Variants in ZNF695 observed in about 807,000 individuals in gnomAD.
ZNF695 encodes the protein zinc finger protein SBZF3.
A neutral mutation model predicts 11.2 loss-of-function variants in ZNF695; 11 were observed. The ratio of observed to expected loss-of-function variants is 0.98; its 90% confidence interval spans 0.62 to 1.62. The LOEUF (loss-of-function observed/expected upper bound fraction) is 1.62, where lower values mean the gene tolerates loss of function less well. Ranked by LOEUF, ZNF695 falls within the 40% of genes most tolerant of loss-of-function variation. The pLI, the probability that ZNF695 is intolerant of heterozygous loss-of-function variation, is 0.00. For synonymous variants in ZNF695, 190 were observed against 201.4 expected (o/e 0.94, Z 0.48); for missense variants, 559 against 590.5 (o/e 0.95, Z 0.55).
chr1:246,993,617 G>T (rs1485695293), intron 3 of ZNF695, among the ~76,000 whole-genome samples: 1 of 151,868 alleles, frequency 6.6e-6, no homozygotes, highest in Non-Finnish European at 1.5e-5. Flanking sequence ...AAAGTATCAG[G>T]GTACTTAACG....
intron 5 of ZNF695, among the ~76,000 whole-genome samples, chr1:246,959,351 A>ATATATATATATATAT (rs1668105179): frequency 7.9e-6 from 1 of 126,778 alleles, no homozygotes; most frequent in Non-Finnish European, 1.6e-5. Flanking sequence ...ATATATATAT[A>ATATATATATATATAT]AAATCTCTTT....
intron 1 of ZNF695, among the ~76,000 whole-genome samples, chr1:247,006,152 G>C (rs1669527416): frequency 6.6e-6 from 1 of 151,492 alleles, no homozygotes; most frequent in South Asian, 2.1e-4. Flanking sequence ...TTGAACCCGG[G>C]AGGCAGAGGT....
At chr1:246,963,619 G>A (rs56169836) in intron 5 of ZNF695, among the ~76,000 whole-genome samples, 5,166 of 152,174 alleles carry the variant, frequency 0.034, 308 homozygotes, top group African/African-American at 0.12. Flanking sequence ...GAGCAGGTGC[G>A]GGGGTTATTG....
At position 246,986,064 on chromosome 1, in the gene ZNF695, TA is replaced by T. The variant is rs1668837243; in HGVS notation, c.*902del. On this transcript the variant is annotated 3_prime_UTR_variant, in exon 4 of 4. Coordinates refer to ENST00000339986, the MANE Select transcript of ZNF695 (RefSeq NM_020394.5). Reference sequence around the variant, plus strand: ...TTTCAGTGCACCGAGTATACTTTATTATTATGTTGTTATTATTATTATTGAG... The same window carrying T: ...TTTCAGTGCACCGAGTATACTTTATTTTATGTTGTTATTATTATTATTGAG... 2.0e-6 allele frequency: 2 copies of T among 977,080 alleles called. No individual in the cohort carries two copies. The allele number at this position is 977,080 out of a possible 1,614,324, so 60.5% of individuals were successfully genotyped here.
intron 1 of ZNF695, among the ~76,000 whole-genome samples, chr1:247,004,486 T>C (rs1202056546): frequency 1.3e-5 from 2 of 151,816 alleles, no homozygotes; most frequent in African/African-American, 2.4e-5. Flanking sequence ...GCTAGTATAC[T>C]GAAGGAGGAA....
intron 5 of ZNF695, among the ~76,000 whole-genome samples, chr1:246,960,795 T>C (rs761396039): frequency 1.4e-4 from 21 of 152,110 alleles, no homozygotes; most frequent in Non-Finnish European, 2.6e-4. Context: ...TAGCTGGGCA[T>C]GGTGGTGCTC....
chr1:246,989,596 A>C (rs184505693), intron 3 of ZNF695, among the ~76,000 whole-genome samples: 3 of 152,344 alleles, frequency 2.0e-5, no homozygotes, highest in African/African-American at 7.2e-5. Context: ...ACAAGTAACA[A>C]AATGGCAGGA....
intron 1 of ZNF695, among the ~76,000 whole-genome samples, chr1:247,003,451 G>A (rs1181781551): frequency 6.6e-6 from 1 of 152,206 alleles, no homozygotes; most frequent in Non-Finnish European, 1.5e-5. Context: ...CGACTTTAGA[G>A]TAGAAGGAAG....
At chr1:246,999,310 A>G (rs3749429) in intron 3 of ZNF695, 38 bp downstream of exon 3, 69,778 of 1,524,494 alleles carry the variant, frequency 0.046, 2,012 homozygotes, top group South Asian at 0.11. Context: ...TTGATCCTTC[A>G]ACCCCTACCT....
Position 246,988,112 on chromosome 1 carries a change from T to C in ZNF695, c.403A>G (p.Lys135Glu). The C allele has an allele frequency of 6.2e-7, 1 of 1,613,880 alleles. No individual in the cohort carries two copies. The highest frequency in any genetic ancestry group is 8.5e-7 in the Non-Finnish European group (1 of 1,179,856). The change falls in exon 4 of 4, where the codon AAA becomes GAA. Residue 135 changes from lysine to glutamate, a missense_variant. Lys to Glu is a moderately conservative substitution (Grantham distance 56). Transcript: ENST00000339986. ...CCATTATAACTTGCCTTCTGCCCTT[T>C]CCACTCACCCACAATTTCCCAGTCA... ...RNDWEIVGEW[K>E]GQKASYNGLD...
chr1:246,958,827 G>T (rs965255578), intron 5 of ZNF695, among the ~76,000 whole-genome samples: 3 of 152,172 alleles, frequency 2.0e-5, no homozygotes, highest in African/African-American at 7.2e-5. Flanking sequence ...AACACGCGGG[G>T]ACAGTGAAGT....
In ZNF695 at chr1:246,985,876, G is replaced by A; in HGVS notation, c.*1091C>T. ...ATGTCCATAATCTTCCAAAGAAAAG[G>A]ATATGAACAACACCCACCCGAATAT... On this transcript the variant is annotated 3_prime_UTR_variant, in exon 4 of 4. Coordinates refer to ENST00000339986, the MANE Select transcript of ZNF695 (RefSeq NM_020394.5). 1 of 985,324 alleles carries A rather than the reference G, an allele frequency of 1.0e-6. No individual in the cohort carries two copies. The highest frequency in any genetic ancestry group is 1.2e-6 in the Non-Finnish European group (1 of 829,928). 61.0% of individuals were successfully genotyped at this position (985,324 alleles called of 1,614,324 possible).
chr1:246,947,950 G>C (rs1423794383), intron 5 of ZNF695, among the ~76,000 whole-genome samples: 5 of 152,170 alleles, frequency 3.3e-5, no homozygotes, highest in African/African-American at 1.2e-4. Flanking sequence ...TGTTTGCTGA[G>C]GCCATGATTT....
chr1:246,987,813 A>G lies in ZNF695; in HGVS notation c.702T>C (p.His234=). ...CACATTTGCAATGTTTCTCTCCAAC[A>G]TGAATTCTCTTACAGTCAGTAAAGC... The part of the protein sequence containing the change: ...CSCFTDCKRI[H]VGEKHCKCEE... Residue 234 remains histidine, a synonymous_variant, in exon 4 of 4, where the codon CAT becomes CAC. Transcript: ENST00000339986. The G allele has an allele frequency of 6.2e-7, 1 of 1,611,048 alleles. No homozygotes were observed. Among genetic ancestry groups the G allele is most frequent in the Non-Finnish European group, 8.5e-7 (1 of 1,179,118 alleles).
At chr1:246,993,563 CTT>C (rs1669106310) in intron 3 of ZNF695, among the ~76,000 whole-genome samples, 1 of 152,240 alleles carries the variant, frequency 6.6e-6, no homozygotes, top group East Asian at 1.9e-4. Context: ...AAACAGGTGG[CTT>C]TTTGTTAATT....
Position 246,959,320 on chromosome 1 carries a change from T to A in ZNF695, c.488+8375A>T, listed in dbSNP as rs1424788373. On this transcript the variant is annotated intron_variant, in intron 5 of 5. Coordinates refer to the ZNF695 transcript ENST00000487338. ...AAAAAAAAAAAAAAAAATATATATA[T>A]ATATATATATATATATATATATATA... 5.8e-3 allele frequency among the ~76,000 whole-genome samples: 259 copies of A among 44,820 alleles called. 1 individual carries two copies. The highest frequency in any genetic ancestry group is 6.6e-3 in the Non-Finnish European group (180 of 27,198). 29.4% of individuals were successfully genotyped at this position (44,820 alleles called of 152,430 possible). A position where few individuals can be genotyped will look rare whatever the true frequency, so the allele number is the denominator to read the frequency against.
intron 5 of ZNF695, among the ~76,000 whole-genome samples, chr1:246,959,148 A>T (rs879914800): frequency 2.0e-5 from 3 of 150,082 alleles, no homozygotes; most frequent in Non-Finnish European, 4.4e-5. Flanking sequence ...TTAGCCGGGC[A>T]TGTACCTGTA....
chr1:246,946,013 A>G (rs1025349448), intron 5 of ZNF695, among the ~76,000 whole-genome samples: 5 of 152,118 alleles, frequency 3.3e-5, no homozygotes, highest in African/African-American at 1.2e-4. Flanking sequence ...GAGGTTTTAG[A>G]TGGCAAAAAG....
chr1:246,999,567 G>T, intron 2 of ZNF695, 127 bp from the exon 3 acceptor site: 1 of 726,626 alleles, frequency 1.4e-6, no homozygotes, highest in Non-Finnish European at 2.2e-6. Context: ...ACTGTTTTCT[G>T]ACAGAACCTT....
Sources: gnomAD v4.1 joint callset for allele counts (sites outside exome capture counted in the v4.1 genomes callset) on GRCh38, gnomAD v4.1.1 for gene constraint, MANE v1.5 for transcripts, NCBI Gene and HGNC (gene_info 2026-07-23, HGNC 2026-07-21) for gene names.